Variants in YIPF4 observed in about 807,000 individuals in gnomAD.
YIPF4 encodes protein YIPF4.
Under a neutral mutation model 29.4 loss-of-function variants are expected in YIPF4, and 18 were observed. The observed-to-expected ratio is 0.61, with a 90% CI of 0.42 to 0.91. The LOEUF (loss-of-function observed/expected upper bound fraction) is 0.91, where lower values mean the gene tolerates loss of function less well. YIPF4 is among the 40% of genes least tolerant of loss of function. YIPF4 has a pLI of 0.00. For synonymous variants in YIPF4, 115 were observed against 104.7 expected, an observed-to-expected ratio of 1.10 and a Z score of -0.60; for missense variants, 279 against 282.7, an observed-to-expected ratio of 0.99 and a Z score of 0.09.
rs201611769 is a variant in YIPF4 at position 32,301,490 on chromosome 2, A to G, written c.592A>G (p.Ile198Val). Residue 198 changes from isoleucine to valine, a missense_variant, in exon 5 of 6, where the codon ATA (isoleucine) becomes GTA (valine). Physicochemically the swap from Ile to Val is conservative, Grantham distance 29. Coordinates refer to ENST00000238831, the MANE Select transcript of YIPF4 (RefSeq NM_032312.4). ...VGSFEVVSTL[I>V]KLFGVFWAAY... The stretch of plus-strand genomic sequence containing the variant: ...ATCATTTGAAGTGGTGTCTACACTT[A>G]TAAAAGTAAGTTAAGGATTATGTAT... 3.3e-5 allele frequency: 53 copies of G among 1,596,442 alleles called. No individual in the cohort carries two copies. In the East Asian group the frequency reaches 1.1e-3, roughly 33 times the overall value.
Position 32,305,500 on chromosome 2 carries a change from G to T in YIPF4, c.609G>T (p.Val203=). 1 of 1,592,596 alleles carries T rather than the reference G, an allele frequency of 6.3e-7. No homozygotes were observed. The highest frequency in any genetic ancestry group is 1.2e-5 in the South Asian group (1 of 86,454). Residue 203 remains valine, a synonymous_variant, in exon 6 of 6, where the codon GTG becomes GTT. Transcript: ENST00000238831. ...TCCTTTTTTTAAAGCTGTTTGGTGT[G>T]TTTTGGGCTGCCTACAGTGCTGCTT... The part of the protein sequence containing the change: ...VVSTLIKLFG[V]FWAAYSAASL...
chr2:32,315,315 C>A lies in YIPF4; in HGVS notation c.*9689C>A, dbSNP rs1380057306. 1.3e-5 allele frequency: 2 copies of A among 152,196 alleles called. No individual in the cohort carries two copies. The highest frequency in any genetic ancestry group is 4.8e-5 in the African/African-American group (2 of 41,440). 9.4% of individuals were successfully genotyped at this position (152,196 alleles called of 1,614,324 possible). ...GGACAGAACTGAATCACATAGCCATCCCTTGCTGTAAGAGAGTTGGGGAAA... is the reference window on the plus strand; with the variant it reads ...GGACAGAACTGAATCACATAGCCATACCTTGCTGTAAGAGAGTTGGGGAAA... On this transcript the variant is annotated 3_prime_UTR_variant, in exon 6 of 6. Transcript: ENST00000238831.
rs2031596463 is a variant in YIPF4 at position 32,306,833 on chromosome 2, G to T, written c.*1207G>T. 1.0e-5 allele frequency: 2 copies of T among 196,212 alleles called. No homozygotes were observed. The highest frequency in any genetic ancestry group is 2.0e-5 in the Non-Finnish European group (2 of 100,182). The allele number at this position is 196,212 out of a possible 1,614,324, so 12.2% of individuals were successfully genotyped here. On this transcript the variant is annotated 3_prime_UTR_variant, in exon 6 of 6. Coordinates refer to ENST00000238831, the MANE Select transcript of YIPF4 (RefSeq NM_032312.4). The stretch of plus-strand genomic sequence containing the variant: ...GCAAATTATTGTATTATCCTTTCTG[G>T]TCTCACCTGGAAGAGTTTCCTGCTG...
At chr2:32,299,262 C>G (rs2031309000) in intron 4 of YIPF4, among the ~76,000 whole-genome samples, 1 of 152,018 alleles carries the variant, frequency 6.6e-6, no homozygotes, top group African/African-American at 2.4e-5. Flanking sequence ...TTAACATAAA[C>G]AATACATTTA....
chr2:32,300,794 A>G (rs1271816934), intron 4 of YIPF4, among the ~76,000 whole-genome samples: 1 of 152,182 alleles, frequency 6.6e-6, no homozygotes, highest in Non-Finnish European at 1.5e-5. Flanking sequence ...TCCGGAGCAA[A>G]GCAGTGTTTC....
At chr2:32,295,272 A>G (rs2148964030) in intron 3 of YIPF4, among the ~76,000 whole-genome samples, 1 of 152,336 alleles carries the variant, frequency 6.6e-6, no homozygotes, top group East Asian at 1.9e-4. Context: ...TAAGGCTTTG[A>G]AGGAGTAAAA....
chr2:32,282,124 G>T (rs2030445971), intron 1 of YIPF4, among the ~76,000 whole-genome samples: 1 of 151,880 alleles, frequency 6.6e-6, no homozygotes, highest in Admixed American at 6.6e-5. Context: ...TCACATGCTA[G>T]ATCTGGAATT....
At chr2:32,280,771 G>C (rs1156241118) in intron 1 of YIPF4, among the ~76,000 whole-genome samples, 1 of 152,012 alleles carries the variant, frequency 6.6e-6, no homozygotes, top group African/African-American at 2.4e-5. Flanking sequence ...ACAGATGTGA[G>C]CTACCAGCCA....
intron 1 of YIPF4, among the ~76,000 whole-genome samples, chr2:32,283,794 TGCA>T (rs2030537761): frequency 6.6e-6 from 1 of 152,020 alleles, no homozygotes; most frequent in Non-Finnish European, 1.5e-5. Context: ...CTTGGCTCAT[TGCA>T]ACCTCTGCCT....
At chr2:32,304,240 G>C (rs1573543962) in intron 5 of YIPF4, among the ~76,000 whole-genome samples, 1 of 151,982 alleles carries the variant, frequency 6.6e-6, no homozygotes, top group Non-Finnish European at 1.5e-5. Context: ...CAGCATTAGA[G>C]TATATAGTTT....
At position 32,277,970 on chromosome 2, in the gene YIPF4, T is replaced by G; in HGVS notation, c.-186T>G. On this transcript the variant is annotated 5_prime_UTR_variant, in exon 1 of 6. Transcript: ENST00000238831. ...TTGGGTGGTCGCCACCAAGAAGACT[T>G]TGGTGGGGTAGTCTCGGGGCAGCTC... is the stretch of plus-strand genomic sequence containing the variant. 1 of 543,926 alleles carries G rather than the reference T, an allele frequency of 1.8e-6. No homozygotes were observed. The highest frequency in any genetic ancestry group is 3.2e-6 in the Non-Finnish European group (1 of 312,018). 33.7% of individuals were successfully genotyped at this position (543,926 alleles called of 1,614,324 possible). A position where few individuals can be genotyped will look rare whatever the true frequency, so the allele number is the denominator to read the frequency against.
rs754711829 is a variant in YIPF4, at chr2:32,305,639, A to G, written c.*13A>G. On this transcript the variant is annotated 3_prime_UTR_variant, in exon 6 of 6. Transcript: ENST00000238831. ...TACTGGTGTGTGATCCAAGTTATAC[A>G]TGAATAGAAAAAGATGGTGTTAAAT... is the stretch of plus-strand genomic sequence containing the variant. 1.1e-5 allele frequency: 17 copies of G among 1,557,346 alleles called. No homozygotes were observed. The highest frequency in any genetic ancestry group is 1.5e-5 in the Non-Finnish European group (17 of 1,155,494).
intron 1 of YIPF4, among the ~76,000 whole-genome samples, chr2:32,282,689 C>T (rs2030479275): frequency 6.6e-6 from 1 of 152,068 alleles, no homozygotes; most frequent in South Asian, 2.1e-4. Flanking sequence ...GCCTCAGCTT[C>T]CCAAAGTGCT....
Position 32,307,058 on chromosome 2 carries a change from C to T in YIPF4, c.*1432C>T. The T allele has an allele frequency of 8.2e-7, 1 of 1,224,138 alleles. No homozygotes were observed. Among genetic ancestry groups the T allele is most frequent in the Non-Finnish European group, 1.1e-6 (1 of 939,498 alleles). The allele number at this position is 1,224,138 out of a possible 1,614,324, so 75.8% of individuals were successfully genotyped here. On this transcript the variant is annotated 3_prime_UTR_variant, in exon 6 of 6. Coordinates refer to ENST00000238831, the MANE Select transcript of YIPF4 (RefSeq NM_032312.4). ...AGAAAAAGTGTGGAGCACTTTTGAG[C>T]TAGAATAATGTAGAAAATTACATGT... is the stretch of plus-strand genomic sequence containing the variant.
intron 1 of YIPF4, among the ~76,000 whole-genome samples, chr2:32,280,405 A>C (rs1367376136): frequency 5.9e-5 from 8 of 135,556 alleles, no homozygotes; most frequent in African/African-American, 2.3e-4. Flanking sequence ...TTTGAGACAG[A>C]GTCTTGCTCT....
rs190879955 is a variant in YIPF4, at chr2:32,311,895, A to C, written c.*6269A>C. The C allele has an allele frequency of 6.6e-6, 1 of 152,238 alleles. No homozygotes were observed. Among genetic ancestry groups the C allele is most frequent in the Admixed American group, 6.5e-5 (1 of 15,280 alleles). The allele number at this position is 152,238 out of a possible 1,614,324, so 9.4% of individuals were successfully genotyped here. A position where few individuals can be genotyped will look rare whatever the true frequency, so the allele number is the denominator to read the frequency against. On this transcript the variant is annotated 3_prime_UTR_variant, in exon 6 of 6. Coordinates refer to ENST00000238831, the MANE Select transcript of YIPF4 (RefSeq NM_032312.4). ...AAAAGCAGATTGCTGCTATTTGCAT[A>C]ATAAGCACTTGTTGAAGAATAAATG...
rs756171605 is a variant in YIPF4, at chr2:32,305,470, T to TG, written c.598-19_598-18insG. ...ACTTGCTAATATGCTGCCTTTTGTC[T>TG]TTTTTCCTTTTTTTAAAGCTGTTTG... On this transcript the variant is annotated intron_variant, in intron 5 of 5. Coordinates refer to ENST00000238831, the MANE Select transcript of YIPF4 (RefSeq NM_032312.4). 8.4e-5 allele frequency: 126 copies of TG among 1,493,436 alleles called. No homozygotes were observed. The highest frequency in any genetic ancestry group is 3.6e-4 in the Middle Eastern group (2 of 5,608). 92.5% of individuals were successfully genotyped at this position (1,493,436 alleles called of 1,614,324 possible). A position where few individuals can be genotyped will look rare whatever the true frequency, so the allele number is the denominator to read the frequency against.
intron 1 of YIPF4, among the ~76,000 whole-genome samples, chr2:32,286,612 C>T (rs1205265735): frequency 6.6e-6 from 1 of 151,956 alleles, no homozygotes; most frequent in Non-Finnish European, 1.5e-5. Flanking sequence ...GTGGCGCGAT[C>T]TCAGCTCAGT....
chr2:32,277,929 G>A lies in YIPF4; in HGVS notation c.-227G>A, dbSNP rs2030165952. The A allele has an allele frequency of 5.7e-6, 3 of 524,530 alleles. No homozygotes were observed. The highest frequency in any genetic ancestry group is 2.4e-5 in the South Asian group (1 of 42,010). 32.5% of individuals were successfully genotyped at this position (524,530 alleles called of 1,614,324 possible). On this transcript the variant is annotated 5_prime_UTR_variant, in exon 1 of 6. Coordinates refer to ENST00000238831, the MANE Select transcript of YIPF4 (RefSeq NM_032312.4). ...GTCACTGTTATGGTCCTGTCAGGGT[G>A]CCGGCGTCGTGGTGCTTGGGTGGTC...
Sources: gnomAD v4.1 joint callset for allele counts (sites outside exome capture counted in the v4.1 genomes callset) on GRCh38, gnomAD v4.1.1 for gene constraint, MANE v1.5 for transcripts, NCBI Gene and HGNC (gene_info 2026-07-23, HGNC 2026-07-21) for gene names.